Variants in ADAM2 observed in about 807,000 individuals in gnomAD.
The protein encoded by ADAM2 is disintegrin and metalloproteinase domain-containing protein 2.
A neutral mutation model predicts 99.3 loss-of-function variants in ADAM2; 101 were observed. That is an observed-to-expected ratio of 1.02 (90% CI 0.87 to 1.20). The LOEUF is 1.20. ADAM2 is among the 50% of genes most tolerant of loss of function. The probability of loss-of-function intolerance (pLI) is 0.00; values close to 1 mark genes in which losing one functional copy is unlikely to be tolerated. For missense variants in ADAM2, 948 were observed against 878.7 expected, an observed-to-expected ratio of 1.08 and a Z score of -1.00; for synonymous variants, 323 against 287.6, an observed-to-expected ratio of 1.12 and a Z score of -1.25.
intron 1 of ADAM2, among the ~76,000 whole-genome samples, chr8:39,837,456 T>C (rs183946053): frequency 2.6e-5 from 4 of 151,962 alleles, no homozygotes; most frequent in African/African-American, 9.6e-5. Context: ...GTGAGATCTC[T>C]GCTCACTGCA....
At position 39,746,541 on chromosome 8, in the gene ADAM2, A is replaced by G. The variant is rs1823471731; in HGVS notation, c.2105T>C (p.Leu702Pro). ...FIPFFIIFCV[L>P]IAIMVKVNFQ... Reference sequence around the variant, plus strand: ...ATTAACTTTCACCATTATAGCAATCAGTACACAGAAAATAATAAAGAAAGG... The same window carrying G: ...ATTAACTTTCACCATTATAGCAATCGGTACACAGAAAATAATAAAGAAAGG... Residue 702 changes from leucine (L) to proline (P), a missense_variant, in exon 19 of 21, where the codon CTG (leucine) becomes CCG (proline). Physicochemically the swap from Leu to Pro is moderately conservative, Grantham distance 98 (BLOSUM62 -3). Coordinates refer to ENST00000265708, the MANE Select transcript of ADAM2 (RefSeq NM_001464.5). 3 of 1,605,724 alleles carry G rather than the reference A, an allele frequency of 1.9e-6. No homozygotes were observed. The highest frequency in any genetic ancestry group is 1.7e-5 in the Admixed American group (1 of 59,000).
chr8:39,810,083 AG>A (rs2129587005), intron 6 of ADAM2, among the ~76,000 whole-genome samples: 1 of 152,338 alleles, frequency 6.6e-6, no homozygotes, highest in African/African-American at 2.4e-5. Context: ...AAAGGGATGT[AG>A]GAAGACCTAC....
intron 11 of ADAM2, among the ~76,000 whole-genome samples, chr8:39,776,347 C>G (rs1400469654): frequency 6.6e-6 from 1 of 152,054 alleles, no homozygotes; most frequent in African/African-American, 2.4e-5. Context: ...GGAATGGAGA[C>G]AGTGAGATGT....
intron 7 of ADAM2, among the ~76,000 whole-genome samples, chr8:39,794,538 C>T (rs772021198): frequency 6.6e-6 from 1 of 152,094 alleles, no homozygotes; most frequent in African/African-American, 2.4e-5. Flanking sequence ...AGGAAGACAG[C>T]CTGGCACCGC....
intron 6 of ADAM2, among the ~76,000 whole-genome samples, chr8:39,818,704 C>T (rs896460212): frequency 9.2e-5 from 14 of 151,948 alleles, no homozygotes; most frequent in African/African-American, 3.4e-4. Context: ...AACTAATAAA[C>T]AAGTTTGTCA....
At chr8:39,744,975 C>T (rs1425102821) in intron 19 of ADAM2, 82 bp from the exon 20 acceptor site, 8 of 1,166,170 alleles carry the variant, frequency 6.9e-6, no homozygotes, top group Non-Finnish European at 8.5e-6. Flanking sequence ...AGTCTTGAAA[C>T]AGTTCTGAAT....
intron 7 of ADAM2, among the ~76,000 whole-genome samples, chr8:39,792,805 T>A (rs1803775731): frequency 6.6e-6 from 1 of 152,122 alleles, no homozygotes; most frequent in Admixed American, 6.6e-5. Flanking sequence ...GCACTATTTT[T>A]AAAACATTCT....
At chr8:39,803,223 T>G (rs184057210) in intron 7 of ADAM2, among the ~76,000 whole-genome samples, 405 of 152,196 alleles carry the variant, frequency 2.7e-3, no homozygotes, top group Middle Eastern at 6.8e-3. Flanking sequence ...TATCACTGAG[T>G]CTGGCAAAAG....
intron 7 of ADAM2, among the ~76,000 whole-genome samples, 156 bp downstream of exon 7, chr8:39,809,254 T>C (rs1804589291): frequency 6.6e-6 from 1 of 152,206 alleles, no homozygotes; most frequent in South Asian, 2.1e-4. Context: ...TAAAATTTGA[T>C]TCTCAATTTA....
intron 3 of ADAM2, among the ~76,000 whole-genome samples, chr8:39,827,184 T>C (rs1489692104): frequency 2.0e-5 from 3 of 152,184 alleles, no homozygotes; most frequent in African/African-American, 7.2e-5. Context: ...CACCATGGGA[T>C]AACACCTTAC....
intron 3 of ADAM2, among the ~76,000 whole-genome samples, chr8:39,829,378 A>G (rs745511316): frequency 1.3e-5 from 2 of 152,014 alleles, no homozygotes; most frequent in Non-Finnish European, 2.9e-5. Flanking sequence ...GAGAAATTCC[A>G]TATGGCTAAC....
intron 10 of ADAM2, among the ~76,000 whole-genome samples, chr8:39,785,450 A>G (rs1391804383): frequency 2.0e-5 from 3 of 152,216 alleles, no homozygotes; most frequent in Non-Finnish European, 4.4e-5. Flanking sequence ...TGTGGAAAGC[A>G]GTTTGGAGAG....
chr8:39,782,212 T>C (rs1803263895), intron 10 of ADAM2, among the ~76,000 whole-genome samples: 1 of 152,190 alleles, frequency 6.6e-6, no homozygotes, highest in South Asian at 2.1e-4. Context: ...CTTGCTTTTT[T>C]TTGTCCTAAG....
chr8:39,745,783 A>G (rs912210693), intron 19 of ADAM2, among the ~76,000 whole-genome samples: 1 of 152,084 alleles, frequency 6.6e-6, no homozygotes, highest in African/African-American at 2.4e-5. Context: ...TCACTAAGAT[A>G]TAGAAATATT....
chr8:39,798,681 G>T (rs931159255), intron 7 of ADAM2, among the ~76,000 whole-genome samples: 33 of 152,068 alleles, frequency 2.2e-4, no homozygotes, highest in Non-Finnish European at 3.8e-4. Context: ...GGCTTTTTTT[G>T]GTTGTCAGGC....
chr8:39,777,260 G>T (rs1803030500), intron 10 of ADAM2, 99 bp from the exon 11 acceptor site: 4 of 911,284 alleles, frequency 4.4e-6, no homozygotes, highest in South Asian at 1.9e-5. Context: ...TGGAATAGGG[G>T]CATCTGTTAT....
At chr8:39,804,467 G>A (rs1002517264) in intron 7 of ADAM2, among the ~76,000 whole-genome samples, 1 of 152,046 alleles carries the variant, frequency 6.6e-6, no homozygotes, top group African/African-American at 2.4e-5. Context: ...GTCTGGAAAT[G>A]GGAAAGAGAA....
chr8:39,766,006 C>T (rs1395333056), intron 14 of ADAM2, among the ~76,000 whole-genome samples: 1 of 152,120 alleles, frequency 6.6e-6, no homozygotes, highest in Non-Finnish European at 1.5e-5. Flanking sequence ...ATTTAGCAAA[C>T]AATTTTGTAT....
chr8:39,815,247 T>A (rs1227453805), intron 6 of ADAM2, among the ~76,000 whole-genome samples: 1 of 152,152 alleles, frequency 6.6e-6, no homozygotes, highest in East Asian at 1.9e-4. Flanking sequence ...TATTTTTAAA[T>A]CTATTTTTAG....
Sources: allele counts gnomAD v4.1 joint callset (sites outside exome capture counted in the v4.1 genomes callset), GRCh38; gene constraint gnomAD v4.1.1; transcripts MANE v1.5; gene names NCBI Gene and HGNC (gene_info 2026-07-23, HGNC 2026-07-21).